The following UBAC2 variants were observed in gnomAD, a reference collection of about 807,000 sequenced individuals.
The protein encoded by UBAC2 is ubiquitin-associated domain-containing protein 2.
UBAC2 carries 26 observed loss-of-function variants against 44.0 expected under a neutral mutation model. The ratio of observed to expected loss-of-function variants is 0.59; its 90% CI spans 0.43 to 0.82. The LOEUF (loss-of-function observed/expected upper bound fraction) is 0.82, where lower values mean the gene tolerates loss of function less well. UBAC2 is among the 40% of genes least tolerant of loss of function. UBAC2 has a pLI of 0.00. For missense variants in UBAC2, 329 were observed against 419.4 expected (o/e 0.78, Z 1.88); for synonymous variants, 155 against 154.3 (o/e 1.00, Z -0.04).
Position 99,318,062 on chromosome 13 carries a change from G to A in UBAC2, c.554G>A (p.Ser185Asn). ...TCCTACATCTGGATTGTAGCCATAA[G>A]TGGACTTGTAAGTGTGACTACCCTT... is the stretch of plus-strand genomic sequence containing the variant. The part of the protein sequence containing the change: ...SGSYIWIVAI[S>N]GLMSGLCYDS... Residue 185 changes from serine to asparagine, a missense_variant, in exon 6 of 9, where the codon AGT becomes AAT. Coordinates refer to ENST00000403766, the MANE Select transcript of UBAC2 (RefSeq NM_001144072.2). The A allele has an allele frequency of 6.2e-7, 1 of 1,611,796 alleles. No homozygotes were observed. The highest frequency in any genetic ancestry group is 8.5e-7 in the Non-Finnish European group (1 of 1,179,090).
At chr13:99,347,639 G>A (rs553787426) in intron 7 of UBAC2, among the ~76,000 whole-genome samples, 1 of 152,026 alleles carries the variant, frequency 6.6e-6, no homozygotes, top group African/African-American at 2.4e-5. Flanking sequence ...CTGATGAACA[G>A]TGACCAGGGT....
chr13:99,290,182 G>A (rs191614926), intron 4 of UBAC2, among the ~76,000 whole-genome samples: 15 of 152,284 alleles, frequency 9.9e-5, no homozygotes, highest in Middle Eastern at 3.4e-3. Flanking sequence ...TGGAAAGTGC[G>A]ACTGATAAAT....
intron 4 of UBAC2, among the ~76,000 whole-genome samples, chr13:99,264,658 C>T (rs1198545169): frequency 6.6e-6 from 1 of 152,144 alleles, no homozygotes; most frequent in Non-Finnish European, 1.5e-5. Flanking sequence ...TGGGTGAGGC[C>T]TTCTGTGAGG....
intron 4 of UBAC2, among the ~76,000 whole-genome samples, chr13:99,262,361 G>GA (rs1011699704): frequency 2.6e-4 from 39 of 152,272 alleles, no homozygotes; most frequent in African/African-American, 9.4e-4. Flanking sequence ...GAATAAGGGG[G>GA]AACCACTGTA....
intron 4 of UBAC2, among the ~76,000 whole-genome samples, chr13:99,291,729 C>T (rs1357900756): frequency 1.3e-5 from 2 of 152,140 alleles, no homozygotes; most frequent in Admixed American, 6.5e-5. Flanking sequence ...TGTGTAACTG[C>T]CTTCAGTTAC....
intron 7 of UBAC2, among the ~76,000 whole-genome samples, chr13:99,357,242 T>C (rs927845221): frequency 1.3e-5 from 2 of 152,206 alleles, no homozygotes; most frequent in African/African-American, 2.4e-5. Flanking sequence ...CCTTGGTGTG[T>C]AGTAGGCGAT....
chr13:99,240,560 C>G (rs981513584), intron 2 of UBAC2, among the ~76,000 whole-genome samples: 2 of 152,128 alleles, frequency 1.3e-5, no homozygotes, highest in African/African-American at 4.8e-5. Context: ...GTTTTTGAAT[C>G]TGGTGTTCTG....
At chr13:99,204,117 A>G (rs1264163144) in intron 1 of UBAC2, among the ~76,000 whole-genome samples, 1 of 152,182 alleles carries the variant, frequency 6.6e-6, no homozygotes, top group African/African-American at 2.4e-5. Flanking sequence ...TTTACTGTGT[A>G]ATGATGGACT....
In UBAC2 at chr13:99,345,705, A is replaced by G. The variant is rs1185708445; in HGVS notation, c.807+5140A>G. 2.7e-5 allele frequency among the ~76,000 whole-genome samples: 4 copies of G among 150,022 alleles called. No homozygotes were observed. The East Asian group carries it at 7.8e-4, about 29-fold the overall frequency. On this transcript the variant is annotated intron_variant, in intron 7 of 8. Transcript: ENST00000403766. ...TAGTACATCTCCACTTCACTGTCCCATCAGCTCTTGACAGGTACTGTTTCT... is the reference window on the plus strand; with the variant it reads ...TAGTACATCTCCACTTCACTGTCCCGTCAGCTCTTGACAGGTACTGTTTCT...
At chr13:99,223,160 T>A (rs1253126307) in intron 1 of UBAC2, among the ~76,000 whole-genome samples, 5 of 152,098 alleles carry the variant, frequency 3.3e-5, no homozygotes, top group African/African-American at 9.7e-5. Flanking sequence ...CAAAAAAAAA[T>A]TTAGTTGTGA....
intron 6 of UBAC2, among the ~76,000 whole-genome samples, chr13:99,338,284 CTG>C (rs976542748): frequency 6.6e-6 from 1 of 152,006 alleles, no homozygotes; most frequent in African/African-American, 2.4e-5. Flanking sequence ...TCTCAAACTC[CTG>C]ACCTCTTGTG....
At chr13:99,356,167 G>A (rs2045179139) in intron 7 of UBAC2, 1 of 534,588 alleles carries the variant, frequency 1.9e-6, no homozygotes, top group African/African-American at 1.9e-5. Flanking sequence ...GGGCTGTTGG[G>A]TTGCATCCTA....
chr13:99,201,012 C>T (rs2042788365), intron 1 of UBAC2, 73 bp downstream of exon 1: 6 of 1,295,740 alleles, frequency 4.6e-6, no homozygotes, highest in Non-Finnish European at 4.9e-6. Flanking sequence ...GAGGCTGGGG[C>T]AGCGGGGACC....
chr13:99,324,171 T>A (rs943189739), intron 6 of UBAC2, among the ~76,000 whole-genome samples: 22 of 152,216 alleles, frequency 1.4e-4, no homozygotes, highest in Admixed American at 9.8e-4. Context: ...ACCAGACACT[T>A]GTGGTAGATT....
intron 1 of UBAC2, among the ~76,000 whole-genome samples, chr13:99,214,658 G>A (rs2042971090): frequency 6.6e-6 from 1 of 152,102 alleles, no homozygotes; most frequent in East Asian, 1.9e-4. Flanking sequence ...TTGGAAGTTT[G>A]AAGTTACCCC....
chr13:99,232,526 C>T lies in UBAC2; in HGVS notation c.32-5901C>T, dbSNP rs142684001. ...AAGTAGTTTATTGTTTGTAATGATA[C>T]TGATACTGTAATATTAAAATTTTAT... On this transcript the variant is annotated intron_variant, in intron 1 of 8. Coordinates refer to ENST00000403766, the MANE Select transcript of UBAC2 (RefSeq NM_001144072.2). 7.3e-3 allele frequency among the ~76,000 whole-genome samples: 1,104 copies of T among 151,196 alleles called. 10 individuals are homozygous for T. Among genetic ancestry groups the T allele is most frequent in the South Asian group, 0.054 (260 of 4,806 alleles).
intron 4 of UBAC2, among the ~76,000 whole-genome samples, chr13:99,274,303 G>T (rs1364936589): frequency 6.6e-6 from 1 of 151,448 alleles, no homozygotes; most frequent in East Asian, 1.9e-4. Flanking sequence ...TAGTATTTTG[G>T]TGTGTGAATA....
intron 4 of UBAC2, among the ~76,000 whole-genome samples, chr13:99,290,597 C>T (rs2044076615): frequency 6.6e-6 from 1 of 151,780 alleles, no homozygotes; most frequent in South Asian, 2.1e-4. Flanking sequence ...CAGTGGTGGG[C>T]ACCTGTAATC....
intron 4 of UBAC2, among the ~76,000 whole-genome samples, chr13:99,245,588 T>C (rs761432452): frequency 2.9e-4 from 44 of 152,140 alleles, no homozygotes; most frequent in Non-Finnish European, 4.7e-4. Context: ...GCGCGGTGGC[T>C]CATGCCACCT....
Sources: gnomAD v4.1 joint callset for allele counts (sites outside exome capture counted in the v4.1 genomes callset) on GRCh38, gnomAD v4.1.1 for gene constraint, MANE v1.5 for transcripts, NCBI Gene and HGNC (gene_info 2026-07-23, HGNC 2026-07-21) for gene names.